The following WSCD2 variants were observed in gnomAD, a reference collection of about 807,000 sequenced individuals.
WSCD2 encodes the protein sialate:O-sulfotransferase 2.
A neutral mutation model predicts 55.7 loss-of-function variants in WSCD2; 28 were observed. The observed-to-expected ratio is 0.50, with a 90% CI of 0.37 to 0.69. The LOEUF (loss-of-function observed/expected upper bound fraction) is 0.69, where lower values mean the gene tolerates loss of function less well. Among genes scored for constraint, WSCD2 ranks in the 30% least tolerant of loss-of-function variants. The pLI, the probability that WSCD2 is intolerant of heterozygous loss-of-function variation, is 0.00. For missense variants in WSCD2, 616 were observed against 762.1 expected (o/e 0.81, Z 2.26); for synonymous variants, 301 against 301.9 (o/e 1.00, Z 0.03).
intron 1 of WSCD2, among the ~76,000 whole-genome samples, chr12:108,151,855 C>T (rs1032947239): frequency 1.3e-5 from 2 of 152,196 alleles, no homozygotes; most frequent in Non-Finnish European, 2.9e-5. Flanking sequence ...TAACACTTCT[C>T]ATCTTTTTCT....
At chr12:108,197,924 G>T (rs1884138309) in intron 2 of WSCD2, among the ~76,000 whole-genome samples, 1 of 149,162 alleles carries the variant, frequency 6.7e-6, no homozygotes, top group African/African-American at 2.5e-5. Flanking sequence ...TATATGCAGT[G>T]CCTTCTATCT....
chr12:108,227,696 C>G (rs1051095425), intron 6 of WSCD2, among the ~76,000 whole-genome samples: 2 of 151,850 alleles, frequency 1.3e-5, no homozygotes, highest in Non-Finnish European at 2.9e-5. Flanking sequence ...TCTTCTGTCT[C>G]CTGGGGCTAC....
At chr12:108,154,721 C>T (rs888185574) in intron 1 of WSCD2, among the ~76,000 whole-genome samples, 1 of 152,110 alleles carries the variant, frequency 6.6e-6, no homozygotes, top group Non-Finnish European at 1.5e-5. Context: ...ATTTCTTTTT[C>T]GGATTAATAA....
intron 1 of WSCD2, among the ~76,000 whole-genome samples, chr12:108,182,356 A>G (rs1397151302): frequency 6.6e-6 from 1 of 152,230 alleles, no homozygotes; most frequent in Non-Finnish European, 1.5e-5. Context: ...TCTCCCGGAG[A>G]GAATTTCAAC....
chr12:108,206,230 C>G, intron 2 of WSCD2, 59 bp from the exon 3 acceptor site: 1 of 1,442,320 alleles, frequency 6.9e-7, no homozygotes, highest in Non-Finnish European at 9.8e-7. Context: ...GTGAGGCTTC[C>G]TCCTGTAACC....
At chr12:108,208,148 G>T (rs957949811) in intron 3 of WSCD2, among the ~76,000 whole-genome samples, 12 of 152,204 alleles carry the variant, frequency 7.9e-5, no homozygotes, top group African/African-American at 2.9e-4. Context: ...TGGAGATGAA[G>T]AGATGAGCCA....
At chr12:108,148,128 C>T (rs1877590152) in intron 1 of WSCD2, among the ~76,000 whole-genome samples, 1 of 152,190 alleles carries the variant, frequency 6.6e-6, no homozygotes, top group Admixed American at 6.5e-5. Flanking sequence ...CTGGGTCATT[C>T]TTTGTGTGGC....
At chr12:108,135,549 C>A (rs531581596) in intron 1 of WSCD2, among the ~76,000 whole-genome samples, 3 of 152,140 alleles carry the variant, frequency 2.0e-5, no homozygotes, top group African/African-American at 7.2e-5. Context: ...ATGGTGGAGA[C>A]GGTTGAATGT....
intron 1 of WSCD2, among the ~76,000 whole-genome samples, chr12:108,169,729 G>A (rs1004343337): frequency 6.6e-6 from 1 of 152,188 alleles, no homozygotes; most frequent in African/African-American, 2.4e-5. Flanking sequence ...CAGGGCACAG[G>A]ACAGTTTCCA....
chr12:108,144,971 G>A (rs1161672355), intron 1 of WSCD2, among the ~76,000 whole-genome samples: 2 of 152,182 alleles, frequency 1.3e-5, no homozygotes, highest in Non-Finnish European at 2.9e-5. Flanking sequence ...TTGTGACAGG[G>A]CCTTGCATTT....
intron 1 of WSCD2, among the ~76,000 whole-genome samples, chr12:108,160,799 G>A (rs952819472): frequency 2.6e-5 from 4 of 152,190 alleles, no homozygotes; most frequent in Non-Finnish European, 5.9e-5. Context: ...AGCACACTCA[G>A]GATTTCTCAA....
At chr12:108,243,951 T>C (rs1218742333) in intron 8 of WSCD2, among the ~76,000 whole-genome samples, 1 of 152,148 alleles carries the variant, frequency 6.6e-6, no homozygotes, top group Non-Finnish European at 1.5e-5. Flanking sequence ...AATTTTACAA[T>C]CTCCCTAGAG....
intron 1 of WSCD2, among the ~76,000 whole-genome samples, chr12:108,167,838 G>T (rs1879818201): frequency 1.3e-5 from 2 of 152,184 alleles, no homozygotes; most frequent in African/African-American, 4.8e-5. Flanking sequence ...ATGTTGATGG[G>T]CTTAGGCTAG....
intron 1 of WSCD2, among the ~76,000 whole-genome samples, chr12:108,132,508 G>A (rs1875687963): frequency 6.6e-6 from 1 of 152,202 alleles, no homozygotes; most frequent in South Asian, 2.1e-4. Flanking sequence ...GAGCGTGCAT[G>A]TCTATGGATT....
At position 108,196,096 on chromosome 12, in the gene WSCD2, G is replaced by A. The variant is rs1227437184; in HGVS notation, c.264G>A (p.Arg88=). 2 of 1,614,144 alleles carry A rather than the reference G, an allele frequency of 1.2e-6. No individual in the cohort carries two copies. The highest frequency in any genetic ancestry group is 1.1e-5 in the South Asian group (1 of 91,070). ...DTGEASSIAR[R]YGPWFKGKDG... is the part of the protein sequence containing the mutation. ...GTGAAGCCTCAAGCATTGCTCGCAG[G>A]TACGGACCCTGGTTCAAGGGCAAGG... The change falls in exon 2 of 9, where the codon AGG becomes AGA. Residue 88 remains arginine, a synonymous_variant. Transcript: ENST00000547525.
chr12:108,143,330 G>T (rs1454417287), intron 1 of WSCD2, among the ~76,000 whole-genome samples: 1 of 152,038 alleles, frequency 6.6e-6, no homozygotes, highest in East Asian at 1.9e-4. Flanking sequence ...GTTTGATCAG[G>T]TCAGGGTCAT....
rs115912949 is a variant in WSCD2 at position 108,157,140 on chromosome 12, T to C, written c.-552+27214T>C. ...CTGTGGTTTCTTCGTTGTTTGTTTG[T>C]TTGCTTTTAGTTTGTCTTAATAGAC... On this transcript the variant is annotated intron_variant, in intron 1 of 8. Transcript: ENST00000547525. Among the ~76,000 whole-genome samples, 946 of 152,316 alleles carry C rather than the reference T, an allele frequency of 6.2e-3. 16 individuals are homozygous for C. The highest frequency in any genetic ancestry group is 0.022 in the African/African-American group (895 of 41,564).
chr12:108,181,584 G>C (rs141397913), intron 1 of WSCD2, among the ~76,000 whole-genome samples: 46 of 152,296 alleles, frequency 3.0e-4, no homozygotes, highest in Non-Finnish European at 5.7e-4. Context: ...GGCTCAGAGA[G>C]GTGACATGCG....
At chr12:108,233,041 C>G in intron 7 of WSCD2, 146 bp downstream of exon 7, 1 of 1,073,056 alleles carries the variant, frequency 9.3e-7, no homozygotes, top group East Asian at 2.6e-5. Context: ...TCACTGCATG[C>G]TTGGTACCCC....
Sources: gnomAD v4.1 joint callset for allele counts (sites outside exome capture counted in the v4.1 genomes callset) on GRCh38, gnomAD v4.1.1 for gene constraint, MANE v1.5 for transcripts, NCBI Gene and HGNC (gene_info 2026-07-23, HGNC 2026-07-21) for gene names.